The following SEL1L2 variants were observed in gnomAD, a reference collection of about 807,000 sequenced individuals.
The protein encoded by SEL1L2 is protein sel-1 homolog 2.
A neutral mutation model predicts 98.8 loss-of-function variants in SEL1L2; 89 were observed. The ratio of observed to expected loss-of-function variants is 0.90; its 90% CI spans 0.76 to 1.07. SEL1L2 has a LOEUF of 1.07. SEL1L2 is among the 50% of genes least tolerant of loss of function. The pLI, the probability that SEL1L2 is intolerant of heterozygous loss-of-function variation, is 0.00. For missense variants in SEL1L2, 788 were observed against 812.0 expected (o/e 0.97, Z 0.36); for synonymous variants, 262 against 278.5 (o/e 0.94, Z 0.59).
intron 1 of SEL1L2, among the ~76,000 whole-genome samples, chr20:13,963,645 G>A (rs1279763146): frequency 6.6e-6 from 1 of 151,972 alleles, no homozygotes; most frequent in Non-Finnish European, 1.5e-5. Context: ...GGACCCGGGA[G>A]GTAGAGGCTG....
At position 13,939,035 on chromosome 20, in the gene SEL1L2, G is replaced by GTTTTTTTTTTTTT. The variant is rs779584914; in HGVS notation, c.115-7265_115-7264insAAAAAAAAAAAAA. Among the ~76,000 whole-genome samples the GTTTTTTTTTTTTT allele has an allele frequency of 3.1e-3, 97 of 31,374 alleles. 6 individuals carry two copies. Among genetic ancestry groups the GTTTTTTTTTTTTT allele is most frequent in the African/African-American group, 5.6e-3 (52 of 9,282 alleles). 20.6% of individuals were successfully genotyped at this position (31,374 alleles called of 152,430 possible). On this transcript the variant is annotated intron_variant, in intron 2 of 19. Transcript: ENST00000284951. ...TTTTTTCTTTTTGGTTTGTTTGCTT[G>GTTTTTTTTTTTTT]TTTTGTTTTTTTTTTTTTTTTTTTC...
chr20:13,888,270 C>T (rs1009585439), intron 6 of SEL1L2, among the ~76,000 whole-genome samples, 189 bp downstream of exon 6: 1 of 152,166 alleles, frequency 6.6e-6, no homozygotes, highest in Non-Finnish European at 1.5e-5. Context: ...TATCTATCTT[C>T]AATGAAGAGG....
At chr20:13,870,965 C>T (rs2046164382) in intron 12 of SEL1L2, among the ~76,000 whole-genome samples, 1 of 148,636 alleles carries the variant, frequency 6.7e-6, no homozygotes, top group South Asian at 2.2e-4. Context: ...GAGAGTGTTG[C>T]AGACACCTAG....
chr20:13,954,707 T>A lies in SEL1L2; in HGVS notation c.114+1369A>T, dbSNP rs572037188. On this transcript the variant is annotated intron_variant, in intron 2 of 19. Transcript: ENST00000284951. Reference sequence around the variant, plus strand: ...GGCATTGGGTAGATGCTTATGGGTCTGGGCAGCATCCTTGTTCTCAAGCAG... The same window carrying A: ...GGCATTGGGTAGATGCTTATGGGTCAGGGCAGCATCCTTGTTCTCAAGCAG... Among the ~76,000 whole-genome samples the A allele has an allele frequency of 6.0e-4, 92 of 152,278 alleles. 1 individual carries two copies. Among genetic ancestry groups the A allele is most frequent in the African/African-American group, 2.2e-3 (90 of 41,550 alleles).
Position 13,913,790 on chromosome 20 carries a change from C to G in SEL1L2, c.541G>C (p.Ala181Pro). 2.6e-6 allele frequency: 4 copies of G among 1,519,634 alleles called. No individual in the cohort carries two copies. Among genetic ancestry groups the G allele is most frequent in the Non-Finnish European group, 1.7e-6 (2 of 1,145,336 alleles). 94.1% of individuals were successfully genotyped at this position (1,519,634 alleles called of 1,614,324 possible). ...ESLAKEGSCK[A>P]QNALGFLSSY... The stretch of plus-strand genomic sequence containing the variant: ...TTTCCTTCAAAACTCACGTTTTGGG[C>G]TTTACATGATCCTTCTTTAGCCAAG... The change falls in exon 5 of 20, where the codon GCC (alanine) becomes CCC (proline). Residue 181 changes from alanine (A) to proline (P), a missense_variant. Ala to Pro is a conservative substitution (Grantham distance 27). Transcript: ENST00000284951.
At chr20:13,891,469 C>T (rs971804754) in intron 5 of SEL1L2, among the ~76,000 whole-genome samples, 6 of 151,982 alleles carry the variant, frequency 3.9e-5, no homozygotes, top group African/African-American at 1.4e-4. Flanking sequence ...GAGATTGAGA[C>T]CCTCCTGGCC....
chr20:13,897,030 A>G (rs2047455936), intron 5 of SEL1L2, among the ~76,000 whole-genome samples: 1 of 152,224 alleles, frequency 6.6e-6, no homozygotes, highest in Non-Finnish European at 1.5e-5. Context: ...TACAGTAGTC[A>G]AAATCGTGTA....
At chr20:13,958,195 G>A (rs1361896479) in intron 1 of SEL1L2, among the ~76,000 whole-genome samples, 2 of 152,042 alleles carry the variant, frequency 1.3e-5, no homozygotes, top group Non-Finnish European at 2.9e-5. Context: ...ATAATTAAAT[G>A]AGATCGTTTA....
At chr20:13,964,641 G>A (rs1362532122) in intron 1 of SEL1L2, among the ~76,000 whole-genome samples, 1 of 151,746 alleles carries the variant, frequency 6.6e-6, no homozygotes, top group South Asian at 2.1e-4. Flanking sequence ...TAGTAGAGAC[G>A]GGGTTTCTCC....
rs6042454 is a variant in SEL1L2 at position 13,951,676 on chromosome 20, A to G, written c.114+4400T>C. Reference sequence around the variant, plus strand: ...ATTCTTGCTGTACTTTATGCAAATAATCTGTTTTGCAAACAACTCAGTCCT... The same window carrying G: ...ATTCTTGCTGTACTTTATGCAAATAGTCTGTTTTGCAAACAACTCAGTCCT... On this transcript the variant is annotated intron_variant, in intron 2 of 19. Coordinates refer to ENST00000284951, the MANE Select transcript of SEL1L2 (RefSeq NM_025229.2). Among the ~76,000 whole-genome samples the G allele has an allele frequency of 4.9e-3, 712 of 144,730 alleles. 7 individuals carry two copies. Among genetic ancestry groups the G allele is most frequent in the African/African-American group, 0.017 (669 of 38,738 alleles). 94.9% of individuals were successfully genotyped at this position (144,730 alleles called of 152,430 possible). A position where few individuals can be genotyped will look rare whatever the true frequency, so the allele number is the denominator to read the frequency against.
chr20:13,964,061 A>C (rs1434234049), intron 1 of SEL1L2, among the ~76,000 whole-genome samples: 1 of 151,868 alleles, frequency 6.6e-6, no homozygotes, highest in Non-Finnish European at 1.5e-5. Context: ...TTTTTCTTAC[A>C]GATGGGGGTT....
At chr20:13,892,449 CAAA>C (rs11477736) in intron 5 of SEL1L2, among the ~76,000 whole-genome samples, 7 of 143,434 alleles carry the variant, frequency 4.9e-5, no homozygotes, top group East Asian at 2.0e-4. Context: ...GACTCCATCT[CAAA>C]AAAAAAAAAA....
At chr20:13,879,235 T>C (rs1306683367) in intron 10 of SEL1L2, among the ~76,000 whole-genome samples, 1 of 152,052 alleles carries the variant, frequency 6.6e-6, no homozygotes, top group Non-Finnish European at 1.5e-5. Flanking sequence ...GTTCAGAAAA[T>C]AGTGATTACT....
At chr20:13,850,711 C>G (rs935723911) in intron 18 of SEL1L2, among the ~76,000 whole-genome samples, 7 of 152,104 alleles carry the variant, frequency 4.6e-5, no homozygotes, top group Non-Finnish European at 1.0e-4. Flanking sequence ...TCCCCAGAGC[C>G]CTCAATAAAG....
intron 4 of SEL1L2, among the ~76,000 whole-genome samples, chr20:13,917,597 C>G (rs1434455140): frequency 6.6e-6 from 1 of 151,928 alleles, no homozygotes; most frequent in African/African-American, 2.4e-5. Context: ...TGCTCCTTAT[C>G]CTCTGTATTT....
chr20:13,849,623 C>G lies in SEL1L2; in HGVS notation c.1948-19G>C. On this transcript the variant is annotated intron_variant, in intron 19 of 19. Transcript: ENST00000284951. The stretch of plus-strand genomic sequence containing the variant: ...TTGTGAACTGCTGGCAAGAGACATT[C>G]TCTCAAAAACAATCCAAGCTTCCCA... 6.2e-7 allele frequency: 1 copy of G among 1,611,904 alleles called. No individual in the cohort carries two copies. The highest frequency in any genetic ancestry group is 8.5e-7 in the Non-Finnish European group (1 of 1,178,862).
At chr20:13,964,594 A>G (rs1226671751) in intron 1 of SEL1L2, among the ~76,000 whole-genome samples, 2 of 151,718 alleles carry the variant, frequency 1.3e-5, no homozygotes, top group African/African-American at 2.4e-5. Flanking sequence ...CTGGGATTAC[A>G]GGCATGCACC....
intron 10 of SEL1L2, among the ~76,000 whole-genome samples, chr20:13,880,978 C>T (rs1267486487): frequency 6.6e-6 from 1 of 152,070 alleles, no homozygotes; most frequent in African/African-American, 2.4e-5. Context: ...GAATGAAATG[C>T]CAAGAAAATG....
intron 5 of SEL1L2, among the ~76,000 whole-genome samples, chr20:13,891,094 T>C (rs1029391724): frequency 6.6e-6 from 1 of 152,014 alleles, no homozygotes; most frequent in Non-Finnish European, 1.5e-5. Context: ...GAGAGGATAT[T>C]TGAAGATTAA....
Sources: gnomAD v4.1 joint callset for allele counts (sites outside exome capture counted in the v4.1 genomes callset) on GRCh38, gnomAD v4.1.1 for gene constraint, MANE v1.5 for transcripts, NCBI Gene and HGNC (gene_info 2026-07-23, HGNC 2026-07-21) for gene names.